Variants in WDPCP observed in about 807,000 individuals in gnomAD.
WDPCP encodes the protein WD repeat-containing and planar cell polarity effector protein fritz homolog.
A neutral mutation model predicts 93.1 loss-of-function variants in WDPCP; 71 were observed. The observed-to-expected ratio is 0.76, with a 90% CI of 0.63 to 0.93. The LOEUF is 0.93. Among genes scored for constraint, WDPCP ranks in the 40% least tolerant of loss-of-function variants. The pLI is 0.00. For missense variants in WDPCP, 844 were observed against 887.4 expected (o/e 0.95, Z 0.62); for synonymous variants, 315 against 315.0 (o/e 1.00, Z 0.00).
intron 4 of WDPCP, among the ~76,000 whole-genome samples, chr2:63,485,580 C>T (rs1347019354): frequency 6.6e-6 from 1 of 151,688 alleles, no homozygotes; most frequent in Non-Finnish European, 1.5e-5. Context: ...TTAAAGTATA[C>T]ACCACAATTG....
At chr2:63,218,523 A>G (rs1441468691) in intron 14 of WDPCP, among the ~76,000 whole-genome samples, 2 of 151,500 alleles carry the variant, frequency 1.3e-5, no homozygotes, top group African/African-American at 4.8e-5. Flanking sequence ...TCTTTTATTT[A>G]TTTATTTTAT....
At chr2:63,235,101 C>T (rs1262305281) in intron 14 of WDPCP, among the ~76,000 whole-genome samples, 1 of 151,962 alleles carries the variant, frequency 6.6e-6, no homozygotes, top group African/African-American at 2.4e-5. Context: ...CCACTAGCTA[C>T]ATTAACAAAG....
intron 10 of WDPCP, among the ~76,000 whole-genome samples, chr2:63,396,926 G>A (rs1048015003): frequency 3.3e-5 from 5 of 152,042 alleles, no homozygotes; most frequent in Non-Finnish European, 7.4e-5. Flanking sequence ...TTTGGTTTTC[G>A]TTCCTGCATT....
intron 1 of WDPCP, among the ~76,000 whole-genome samples, chr2:63,570,160 G>A (rs1707371680): frequency 6.6e-6 from 1 of 152,044 alleles, no homozygotes; most frequent in Non-Finnish European, 1.5e-5. Context: ...TTAACTTGAT[G>A]CAAATATTTA....
upstream of WDPCP, among the ~76,000 whole-genome samples, chr2:63,832,042 C>T (rs1345456921): frequency 1.3e-5 from 2 of 152,184 alleles, no homozygotes; most frequent in Non-Finnish European, 2.9e-5. Flanking sequence ...TTAACTTTTA[C>T]TATGTATCAA....
upstream of WDPCP, chr2:63,593,196 T>C (rs1709233943): frequency 6.1e-6 from 1 of 164,686 alleles, no homozygotes; most frequent in African/African-American, 2.4e-5. Flanking sequence ...GCCTCCCGGG[T>C]TCAAGTGATT....
At chr2:63,665,080 C>T (rs1710267429) in intron 2 of WDPCP, among the ~76,000 whole-genome samples, 2 of 152,226 alleles carry the variant, frequency 1.3e-5, no homozygotes, top group African/African-American at 2.4e-5. Context: ...TAGGAGAGTG[C>T]TCTCTCTATC....
intron 1 of WDPCP, among the ~76,000 whole-genome samples, chr2:63,514,742 G>A (rs929954819): frequency 1.8e-4 from 28 of 152,118 alleles, no homozygotes; most frequent in Non-Finnish European, 2.9e-5. Context: ...TGAAAATACG[G>A]GTTTAGGAGC....
At chr2:63,263,756 T>C (rs1293977037) in intron 13 of WDPCP, among the ~76,000 whole-genome samples, 1 of 152,124 alleles carries the variant, frequency 6.6e-6, no homozygotes, top group East Asian at 1.9e-4. Flanking sequence ...ACAGGAATAA[T>C]GGACATGGAG....
At chr2:63,492,977 T>C (rs1217732391) in intron 1 of WDPCP, 37 bp from the exon 2 acceptor site, 5 of 1,551,066 alleles carry the variant, frequency 3.2e-6, no homozygotes, top group Non-Finnish European at 3.6e-6. Flanking sequence ...TGCCAATTAA[T>C]TATCTTCTAT....
chr2:63,565,586 C>T (rs956892402), intron 1 of WDPCP, among the ~76,000 whole-genome samples: 2 of 152,060 alleles, frequency 1.3e-5, no homozygotes, highest in African/African-American at 4.8e-5. Context: ...CAATGCCTTG[C>T]TAAATGTAAA....
intron 12 of WDPCP, among the ~76,000 whole-genome samples, chr2:63,353,791 C>T (rs1043049313): frequency 2.0e-5 from 3 of 152,186 alleles, no homozygotes; most frequent in Non-Finnish European, 4.4e-5. Flanking sequence ...TGTTTTGCAG[C>T]CTTCCCTGGT....
chr2:63,672,175 A>G (rs1028434506), intron 2 of WDPCP, among the ~76,000 whole-genome samples: 3 of 152,170 alleles, frequency 2.0e-5, no homozygotes, highest in African/African-American at 7.2e-5. Context: ...CAAAGAGAGG[A>G]AGCCTATTTG....
Position 63,433,838 on chromosome 2 carries a change from C to T in WDPCP, c.732G>A (p.Leu244=). ...CCCAAGGCCAAGCATCATCGTTGAC[C>T]AGTGGCCACCAGCAAACAACTCTAT... The part of the protein sequence containing the change: ...VHDRVVCWWP[L]VNDDAWPWAP... The change falls in exon 9 of 18, where the codon CTG becomes CTA. Residue 244 remains leucine (L), a synonymous_variant. Transcript: ENST00000272321. 2 of 1,613,946 alleles carry T rather than the reference C, an allele frequency of 1.2e-6. No homozygotes were observed. The highest frequency in any genetic ancestry group is 8.5e-7 in the Non-Finnish European group (1 of 1,179,942).
intron 2 of WDPCP, among the ~76,000 whole-genome samples, chr2:63,746,532 G>A (rs1364896437): frequency 1.3e-5 from 2 of 152,088 alleles, no homozygotes; most frequent in East Asian, 1.9e-4. Flanking sequence ...GAGAAATATC[G>A]CTGAATTCTT....
At chr2:63,300,136 C>G (rs1559297923) in intron 13 of WDPCP, among the ~76,000 whole-genome samples, 1 of 152,038 alleles carries the variant, frequency 6.6e-6, no homozygotes, top group Non-Finnish European at 1.5e-5. Flanking sequence ...CCAGCTGGCC[C>G]TTTCTGCTAG....
chr2:63,265,369 G>C (rs1682012996), intron 13 of WDPCP, among the ~76,000 whole-genome samples: 1 of 151,960 alleles, frequency 6.6e-6, no homozygotes, highest in Admixed American at 6.6e-5. Flanking sequence ...GAAATACAAA[G>C]AATCACAACA....
chr2:63,549,849 G>A (rs1156608107), intron 1 of WDPCP, among the ~76,000 whole-genome samples: 6 of 152,078 alleles, frequency 3.9e-5, no homozygotes, highest in Non-Finnish European at 5.9e-5. Flanking sequence ...CCACATCAGT[G>A]GCTACTTCCA....
chr2:63,501,214 T>C (rs1299598534), intron 1 of WDPCP, among the ~76,000 whole-genome samples: 1 of 152,166 alleles, frequency 6.6e-6, no homozygotes, highest in Non-Finnish European at 1.5e-5. Flanking sequence ...ATGTTCAAAA[T>C]ACTATCTAAG....
Sources: allele counts gnomAD v4.1 joint callset (sites outside exome capture counted in the v4.1 genomes callset), GRCh38; gene constraint gnomAD v4.1.1; transcripts MANE v1.5; gene names NCBI Gene and HGNC (gene_info 2026-07-23, HGNC 2026-07-21).